The following LTBP1 variants were observed in gnomAD, a reference collection of about 807,000 sequenced individuals.
The protein encoded by LTBP1 is latent transforming growth factor beta binding protein 1, also known as latent-transforming growth factor beta-binding protein 1.
LTBP1 carries 129 observed loss-of-function variants against 207.6 expected under a neutral mutation model. The observed-to-expected ratio is 0.62, with a 90% CI of 0.54 to 0.72. The LOEUF (loss-of-function observed/expected upper bound fraction) is 0.72, where lower values mean the gene tolerates loss of function less well. Among genes scored for constraint, LTBP1 ranks in the 30% least tolerant of loss-of-function variants. LTBP1 has a pLI of 0.00. For synonymous variants in LTBP1, 963 were observed against 833.7 expected (o/e 1.16, Z -2.67); for missense variants, 2,281 against 2,217.2 (o/e 1.03, Z -0.58).
intron 32 of LTBP1, 101 bp downstream of exon 32, chr2:33,389,407 T>C: frequency 6.7e-7 from 1 of 1,500,800 alleles, no homozygotes; most frequent in Non-Finnish European, 9.1e-7. Flanking sequence ...GCAGCATTTC[T>C]GGTCCCACCC....
chr2:33,259,644 T>TC, intron 13 of LTBP1, 34 bp downstream of exon 13: 2 of 1,589,440 alleles, frequency 1.3e-6, no homozygotes, highest in Non-Finnish European at 1.7e-6. Flanking sequence ...TCTTTTTTTT[T>TC]CAACGCTCAA....
intron 26 of LTBP1, among the ~76,000 whole-genome samples, chr2:33,352,031 A>G (rs1169331794): frequency 1.3e-5 from 2 of 152,114 alleles, no homozygotes; most frequent in African/African-American, 4.8e-5. Flanking sequence ...CCAGCTGCCT[A>G]TTGGACTTTT....
intron 3 of LTBP1, among the ~76,000 whole-genome samples, chr2:33,021,560 A>T (rs2075168892): frequency 6.6e-6 from 1 of 152,158 alleles, no homozygotes; most frequent in South Asian, 2.1e-4. Flanking sequence ...AGAGTTTTGA[A>T]ATAATAATTT....
At chr2:33,288,652 G>A (rs992061856) in intron 19 of LTBP1, among the ~76,000 whole-genome samples, 1 of 152,002 alleles carries the variant, frequency 6.6e-6, no homozygotes, top group Non-Finnish European at 1.5e-5. Context: ...TCAGGAGATC[G>A]AGACCATCCT....
intron 3 of LTBP1, among the ~76,000 whole-genome samples, chr2:33,068,356 C>A (rs377160827): frequency 6.6e-6 from 1 of 151,996 alleles, no homozygotes; most frequent in Non-Finnish European, 1.5e-5. Context: ...CTCCCTGCCC[C>A]CAAATGTGCA....
At chr2:33,114,077 A>G (rs2080580446) in intron 4 of LTBP1, among the ~76,000 whole-genome samples, 1 of 152,162 alleles carries the variant, frequency 6.6e-6, no homozygotes, top group East Asian at 1.9e-4. Flanking sequence ...CCTGACCTCA[A>G]GTGATCCGCC....
At chr2:33,064,061 G>A (rs1290989012) in intron 3 of LTBP1, among the ~76,000 whole-genome samples, 1 of 151,882 alleles carries the variant, frequency 6.6e-6, no homozygotes, top group Non-Finnish European at 1.5e-5. Context: ...ACCATGTTGG[G>A]CCAGGCTGGT....
chr2:33,009,888 G>A lies in LTBP1; in HGVS notation c.566-11021G>A, dbSNP rs76690830. The stretch of plus-strand genomic sequence containing the variant: ...CCCACATGGAGGCATCGATGAGACC[G>A]TTGGATGTGGAAATCTGGAGTTCCA... On this transcript the variant is annotated intron_variant, in intron 2 of 33. Coordinates refer to ENST00000404816, the MANE Select transcript of LTBP1 (RefSeq NM_206943.4). Among the ~76,000 whole-genome samples, 541 of 152,306 alleles carry A rather than the reference G, an allele frequency of 3.6e-3. 5 individuals carry two copies. The highest frequency in any genetic ancestry group is 0.012 in the African/African-American group (505 of 41,558).
Position 33,374,867 on chromosome 2 carries a change from G to A in LTBP1, c.4711+9364G>A, listed in dbSNP as rs372325879. 4.2e-4 allele frequency among the ~76,000 whole-genome samples: 64 copies of A among 152,280 alleles called. No individual in the cohort carries two copies. The South Asian group carries it at 0.012, about 28-fold the overall frequency. ...CTCTGGAGGCTGAGGCAGAAGAATC[G>A]CTTGAACCCGGGAGGTGGCTGTTGC... On this transcript the variant is annotated intron_variant, in intron 31 of 33. Transcript: ENST00000404816.
At chr2:33,153,006 G>C (rs1373151732) in intron 5 of LTBP1, among the ~76,000 whole-genome samples, 1 of 152,168 alleles carries the variant, frequency 6.6e-6, no homozygotes, top group African/African-American at 2.4e-5. Context: ...AAGATCCTTT[G>C]CAGCCCTAAA....
chr2:33,275,985 G>A, intron 18 of LTBP1, 62 bp downstream of exon 18: 1 of 1,498,576 alleles, frequency 6.7e-7, no homozygotes, highest in Non-Finnish European at 8.9e-7. Flanking sequence ...TAGGCACCTT[G>A]CCTGGTTCTT....
At chr2:33,119,847 G>A (rs2081001847) in intron 4 of LTBP1, among the ~76,000 whole-genome samples, 1 of 152,180 alleles carries the variant, frequency 6.6e-6, no homozygotes, top group South Asian at 2.1e-4. Flanking sequence ...CGAGAGCACT[G>A]CGCCTGGCCT....
chr2:33,047,002 T>C (rs371786548), intron 3 of LTBP1, among the ~76,000 whole-genome samples: 24 of 152,304 alleles, frequency 1.6e-4, no homozygotes, highest in African/African-American at 5.8e-4. Context: ...TTCTTCTCTC[T>C]TTTCTTCTTT....
chr2:33,324,237 AC>A (rs1311024466), intron 24 of LTBP1, among the ~76,000 whole-genome samples: 1 of 152,214 alleles, frequency 6.6e-6, no homozygotes, highest in African/African-American at 2.4e-5. Flanking sequence ...GACTACAATC[AC>A]ATAACTTTTG....
At chr2:33,309,409 T>A (rs1473194016) in intron 22 of LTBP1, 25 bp from the exon 23 acceptor site, 9 of 1,567,996 alleles carry the variant, frequency 5.7e-6, no homozygotes, top group Non-Finnish European at 7.8e-6. Context: ...ATTTAGTCTT[T>A]AAAAATTTTT....
In LTBP1 at chr2:33,376,041, A is replaced by T. The variant is rs193061059; in HGVS notation, c.4711+10538A>T. Among the ~76,000 whole-genome samples the T allele has an allele frequency of 1.5e-4, 23 of 152,328 alleles. No homozygotes were observed. In the East Asian group the frequency reaches 4.2e-3, roughly 28 times the overall value. ...GATTAAACTTAAAAGTTATTTCTAC[A>T]TATAAATTCTATTAATTAAAATTTT... On this transcript the variant is annotated intron_variant, in intron 31 of 33. Coordinates refer to ENST00000404816, the MANE Select transcript of LTBP1 (RefSeq NM_206943.4).
Position 33,126,128 on chromosome 2 carries a change from G to A in LTBP1, c.1034-8665G>A, listed in dbSNP as rs532162279. Among the ~76,000 whole-genome samples the A allele has an allele frequency of 4.6e-5, 7 of 152,182 alleles. No homozygotes were observed. The East Asian group carries it at 1.4e-3, about 29-fold the overall frequency. On this transcript the variant is annotated intron_variant, in intron 4 of 33. Transcript: ENST00000404816. ...GAGTATTCCCGTAGCATGGGAGTTG[G>A]CTTCCCCGAGAGTGAGTGATCCAAC...
At chr2:33,338,828 A>C (rs2094582517) in intron 24 of LTBP1, among the ~76,000 whole-genome samples, 1 of 152,232 alleles carries the variant, frequency 6.6e-6, no homozygotes, top group African/African-American at 2.4e-5. Flanking sequence ...TAGTATGCTA[A>C]TTGAGCCAGA....
At chr2:33,163,755 T>C (rs115600462) in intron 5 of LTBP1, among the ~76,000 whole-genome samples, 179 of 152,230 alleles carry the variant, frequency 1.2e-3, no homozygotes, top group African/African-American at 4.2e-3. Flanking sequence ...CATATAAGGT[T>C]TGGGGGAGAA....
Sources: gnomAD v4.1 joint callset for allele counts (sites outside exome capture counted in the v4.1 genomes callset) on GRCh38, gnomAD v4.1.1 for gene constraint, MANE v1.5 for transcripts, NCBI Gene and HGNC (gene_info 2026-07-23, HGNC 2026-07-21) for gene names.